The following SLC24A2 variants were observed in gnomAD, a reference collection of about 807,000 sequenced individuals.
SLC24A2 encodes solute carrier family 24 member 2, also known as sodium/potassium/calcium exchanger 2.
SLC24A2 carries 36 observed loss-of-function variants against 62.0 expected under a neutral mutation model. The observed-to-expected ratio is 0.58, with a 90% CI of 0.44 to 0.77. The LOEUF is 0.77. SLC24A2 is among the 30% of genes least tolerant of loss of function. SLC24A2 has a pLI of 0.00. For synonymous variants in SLC24A2, 358 were observed against 294.0 expected (o/e 1.22, Z -2.23); for missense variants, 846 against 817.9 (o/e 1.03, Z -0.42).
At chr9:19,606,919 C>T (rs1454862580) in intron 4 of SLC24A2, among the ~76,000 whole-genome samples, 2 of 152,184 alleles carry the variant, frequency 1.3e-5, no homozygotes, top group Non-Finnish European at 2.9e-5. Context: ...ATTGAGTTTA[C>T]AATATGATCA....
At chr9:19,848,937 G>A in the SLC24A2 span, among the ~76,000 whole-genome samples, 1 of 152,220 alleles carries the variant, frequency 6.6e-6, no homozygotes, top group Non-Finnish European at 1.5e-5. Flanking sequence ...GAGATCCAAG[G>A]ATGCCCCAGG....
At chr9:20,275,305 C>T in the SLC24A2 span, among the ~76,000 whole-genome samples, 2 of 152,314 alleles carry the variant, frequency 1.3e-5, no homozygotes, top group Admixed American at 1.3e-4. Flanking sequence ...CTCACTCACA[C>T]TAATGCCAGA....
intron 8 of SLC24A2, among the ~76,000 whole-genome samples, chr9:19,545,790 C>G (rs1003935322): frequency 7.9e-5 from 12 of 152,066 alleles, no homozygotes; most frequent in Non-Finnish European, 1.6e-4. Flanking sequence ...AGGCACCCAC[C>G]ACCACGCCTG....
chr9:20,261,898 C>A, the SLC24A2 span, among the ~76,000 whole-genome samples: 1 of 151,900 alleles, frequency 6.6e-6, no homozygotes, highest in East Asian at 1.9e-4. Context: ...CGCCACCACG[C>A]CTGGCTAGTT....
At chr9:19,883,211 C>G in the SLC24A2 span, among the ~76,000 whole-genome samples, 1 of 152,164 alleles carries the variant, frequency 6.6e-6, no homozygotes. Context: ...GTCTCTATTT[C>G]TTAGATATTG....
chr9:20,084,861 G>A, the SLC24A2 span, among the ~76,000 whole-genome samples: 1 of 152,200 alleles, frequency 6.6e-6, no homozygotes, highest in Non-Finnish European at 1.5e-5. Flanking sequence ...CAGGAATCTA[G>A]TTATGAAAGA....
chr9:20,040,418 A>G, the SLC24A2 span, among the ~76,000 whole-genome samples: 668 of 152,320 alleles, frequency 4.4e-3, 4 homozygotes, highest in African/African-American at 0.015. Flanking sequence ...GCTGGTTAAG[A>G]TGGAATAATG....
the SLC24A2 span, among the ~76,000 whole-genome samples, chr9:20,193,286 C>G: frequency 1.3e-5 from 2 of 152,074 alleles, no homozygotes; most frequent in Admixed American, 1.3e-4. Flanking sequence ...ATAAATCATG[C>G]CTTGAAATTT....
At chr9:19,957,082 T>C in the SLC24A2 span, among the ~76,000 whole-genome samples, 1 of 152,222 alleles carries the variant, frequency 6.6e-6, no homozygotes, top group South Asian at 2.1e-4. Flanking sequence ...ATCATTTACC[T>C]AATAAGCAGT....
At chr9:20,152,278 T>C in the SLC24A2 span, among the ~76,000 whole-genome samples, 5 of 151,996 alleles carry the variant, frequency 3.3e-5, no homozygotes, top group East Asian at 9.7e-4. Context: ...TAAAACCTCT[T>C]TGGGGATTGA....
At chr9:19,897,849 C>T in the SLC24A2 span, among the ~76,000 whole-genome samples, 7 of 152,272 alleles carry the variant, frequency 4.6e-5, no homozygotes, top group South Asian at 2.1e-4. Flanking sequence ...ACCCAAAGCT[C>T]GAGATTTTTC....
At chr9:19,707,272 C>T (rs1467296791) in intron 2 of SLC24A2, among the ~76,000 whole-genome samples, 6 of 152,248 alleles carry the variant, frequency 3.9e-5, no homozygotes, top group South Asian at 4.1e-4. Context: ...CAATAGCTTA[C>T]GAACCAAAAA....
At chr9:19,977,109 A>G in the SLC24A2 span, among the ~76,000 whole-genome samples, 1 of 106,282 alleles carries the variant, frequency 9.4e-6, no homozygotes, top group Non-Finnish European at 2.0e-5. Context: ...AAACATTTCT[A>G]TATTTGTGTG....
the SLC24A2 span, among the ~76,000 whole-genome samples, chr9:20,281,093 C>G: frequency 1.3e-5 from 2 of 152,204 alleles, no homozygotes; most frequent in East Asian, 3.9e-4. Flanking sequence ...CCATGCCTGG[C>G]TGATTTTTGT....
rs181482508 is a variant in SLC24A2 at position 19,631,271 on chromosome 9, T to A, written c.931-8972A>T. ...ATGAGGCTGAAGGTAAATAGCTTCG[T>A]CTTGGTCCAACACTGAATTGTGTCA... On this transcript the variant is annotated intron_variant, in intron 2 of 10. Transcript: ENST00000341998. Among the ~76,000 whole-genome samples the A allele has an allele frequency of 2.4e-3, 367 of 152,336 alleles. 1 individual carries two copies. The highest frequency in any genetic ancestry group is 4.6e-3 in the Admixed American group (70 of 15,296).
chr9:19,649,001 C>CAAAAAAAAAAAAA (rs66653116), intron 2 of SLC24A2, among the ~76,000 whole-genome samples: 1 of 108,790 alleles, frequency 9.2e-6, no homozygotes, highest in Non-Finnish European at 1.9e-5. Context: ...GATTAAAAAC[C>CAAAAAAAAAAAAA]AAAAAAAAAA....
At chr9:20,027,302 T>C in the SLC24A2 span, among the ~76,000 whole-genome samples, 1 of 152,144 alleles carries the variant, frequency 6.6e-6, no homozygotes, top group African/African-American at 2.4e-5. Context: ...CTACTATGTA[T>C]ACATTTAAAG....
chr9:19,661,950 C>T (rs962289135), intron 2 of SLC24A2, among the ~76,000 whole-genome samples: 2 of 152,206 alleles, frequency 1.3e-5, no homozygotes, highest in African/African-American at 4.8e-5. Context: ...GCACATTCCA[C>T]CATATTCTCT....
At chr9:20,244,398 G>A in the SLC24A2 span, among the ~76,000 whole-genome samples, 1 of 152,146 alleles carries the variant, frequency 6.6e-6, no homozygotes, top group Non-Finnish European at 1.5e-5. Context: ...AGCACTGAGG[G>A]ATAAAAGAGA....
Sources: gnomAD v4.1 joint callset for allele counts (sites outside exome capture counted in the v4.1 genomes callset) on GRCh38, gnomAD v4.1.1 for gene constraint, MANE v1.5 for transcripts, NCBI Gene and HGNC (gene_info 2026-07-23, HGNC 2026-07-21) for gene names.